Variants in PLET1 observed in about 807,000 individuals in gnomAD.
PLET1 encodes placenta-expressed transcript 1 protein.
In PLET1, 20 loss-of-function variants were observed where a neutral mutation model predicts 18.5. The observed-to-expected ratio is 1.08, with a 90% confidence interval of 0.76 to 1.57. The LOEUF (loss-of-function observed/expected upper bound fraction) is 1.57, where lower values mean the gene tolerates loss of function less well. Ranked by LOEUF, PLET1 falls within the 40% of genes most tolerant of loss-of-function variation. The pLI is 0.00. For missense variants in PLET1, 256 were observed against 246.4 expected (o/e 1.04, Z -0.26); for synonymous variants, 93 against 93.8 (o/e 0.99, Z 0.05).
At position 112,260,786 on chromosome 11, in the gene PLET1, C is replaced by T. The variant is rs940488828; in HGVS notation, c.-197G>A. On this transcript the variant is annotated 5_prime_UTR_variant, in exon 1 of 4. Coordinates refer to ENST00000338832, the MANE Select transcript of PLET1 (RefSeq NM_001145024.1). ...ATCACCAGTCACCATTACCTGTCAC[C>T]GATGATTTTGCAAATTGCAGTTTTG... 33 of 533,678 alleles carry T rather than the reference C, an allele frequency of 6.2e-5. No individual in the cohort carries two copies. Among genetic ancestry groups the T allele is most frequent in the East Asian group, 3.3e-4 (11 of 33,618 alleles). 33.1% of individuals were successfully genotyped at this position (533,678 alleles called of 1,614,324 possible). A position where few individuals can be genotyped will look rare whatever the true frequency, so the allele number is the denominator to read the frequency against.
intron 3 of PLET1, among the ~76,000 whole-genome samples, chr11:112,251,962 G>T (rs1386169648): frequency 3.3e-5 from 5 of 152,184 alleles, no homozygotes; most frequent in African/African-American, 1.2e-4. Flanking sequence ...AAAACCCTTT[G>T]GTTAAAGTCT....
chr11:112,260,177 G>A (rs1038731944), intron 1 of PLET1: 7 of 484,700 alleles, frequency 1.4e-5, no homozygotes, highest in African/African-American at 1.2e-4. Context: ...TGAATCTGGG[G>A]TTGGGGCTTT....
chr11:112,257,002 C>T (rs1187836992), intron 1 of PLET1, among the ~76,000 whole-genome samples: 1 of 152,260 alleles, frequency 6.6e-6, no homozygotes, highest in Non-Finnish European at 1.5e-5. Flanking sequence ...GCTGCGGCCA[C>T]ACCAGTCTTC....
chr11:112,260,331 G>T, intron 1 of PLET1, 75 bp downstream of exon 1: 1 of 1,333,952 alleles, frequency 7.5e-7, no homozygotes, highest in Non-Finnish European at 1.0e-6. Flanking sequence ...AGTAGCGATA[G>T]AGGGGTGTGT....
At chr11:112,258,172 C>T (rs2135419269) in intron 1 of PLET1, among the ~76,000 whole-genome samples, 1 of 152,216 alleles carries the variant, frequency 6.6e-6, no homozygotes, top group East Asian at 1.9e-4. Flanking sequence ...CTGTGATCCC[C>T]TTCACCCCAG....
At chr11:112,254,197 G>GTGTGTGTGTT (rs1446935035) in intron 2 of PLET1, among the ~76,000 whole-genome samples, 5 of 149,898 alleles carry the variant, frequency 3.3e-5, no homozygotes, top group African/African-American at 1.2e-4. Context: ...AGTGGTGTGT[G>GTGTGTGTGTT]TGTGTGTGTG....
Position 112,255,472 on chromosome 11 carries a change from T to TA in PLET1, c.301dup (p.Tyr101LeufsTer19). ...CGTCATGTATTGATCTTTCACGTAATACGTGGAGTTGCTGTAGCAATTTTT... is the reference window on the plus strand; with the variant it reads ...CGTCATGTATTGATCTTTCACGTAATAACGTGGAGTTGCTGTAGCAATTTTT... On this transcript the variant is annotated frameshift_variant, in exon 2 of 4. Transcript: ENST00000338832. LOFTEE classifies it high-confidence loss of function. 1 of 1,552,228 alleles carries TA rather than the reference T, an allele frequency of 6.4e-7. No homozygotes were observed. Among genetic ancestry groups the TA allele is most frequent in the Non-Finnish European group, 8.7e-7 (1 of 1,147,052 alleles).
rs1860121578 is a variant in PLET1, at chr11:112,248,302, C to T, written c.*497G>A. Among the ~76,000 whole-genome samples, 1 of 152,170 alleles carries T rather than the reference C, an allele frequency of 6.6e-6. No individual in the cohort carries two copies. Among genetic ancestry groups the T allele is most frequent in the Non-Finnish European group, 1.5e-5 (1 of 68,040 alleles). The stretch of plus-strand genomic sequence containing the variant: ...TCTACTGGTGTGGACAAATGGGAAG[C>T]TGCCAGCAGCCTCAGAGCTATTTCT... On this transcript the variant is annotated 3_prime_UTR_variant, in exon 4 of 4. Coordinates refer to ENST00000338832, the MANE Select transcript of PLET1 (RefSeq NM_001145024.1).
rs1860214783 is a variant in PLET1, at chr11:112,255,393, C to T, written c.381G>A (p.Glu127=). Residue 127 remains glutamate (E), a synonymous_variant, in exon 2 of 4, where the codon GAG becomes GAA. Coordinates refer to ENST00000338832, the MANE Select transcript of PLET1 (RefSeq NM_001145024.1). Reference sequence around the variant, plus strand: ...AAAGCAAGCTAGGTTCTTACTGTATCTCCACTTCAGTTATGTTCTCAGGTT... The same window carrying T: ...AAAGCAAGCTAGGTTCTTACTGTATTTCCACTTCAGTTATGTTCTCAGGTT... ...APEPENITEV[E]IQAFTVQIRA... The T allele has an allele frequency of 2.6e-6, 4 of 1,552,050 alleles. No individual in the cohort carries two copies. Among genetic ancestry groups the T allele is most frequent in the Non-Finnish European group, 3.5e-6 (4 of 1,147,018 alleles).
intron 3 of PLET1, among the ~76,000 whole-genome samples, chr11:112,249,646 C>T (rs566015062): frequency 6.6e-6 from 1 of 152,190 alleles, no homozygotes; most frequent in East Asian, 1.9e-4. Flanking sequence ...ACCTCCAAGA[C>T]TCTGAGTGGA....
chr11:112,248,512 A>G lies in PLET1; in HGVS notation c.*287T>C. Reference sequence around the variant, plus strand: ...AGATTGGCTGTGGAATTGGCTGCCAACCTGTTCAACCAATAGGGAGAACCT... The same window carrying G: ...AGATTGGCTGTGGAATTGGCTGCCAGCCTGTTCAACCAATAGGGAGAACCT... On this transcript the variant is annotated 3_prime_UTR_variant, in exon 4 of 4. Transcript: ENST00000338832. The G allele has an allele frequency of 2.4e-6, 1 of 425,328 alleles. No homozygotes were observed. The highest frequency in any genetic ancestry group is 3.5e-5 in the East Asian group (1 of 28,722). The allele number at this position is 425,328 out of a possible 1,614,324, so 26.3% of individuals were successfully genotyped here. A position where few individuals can be genotyped will look rare whatever the true frequency, so the allele number is the denominator to read the frequency against.
At chr11:112,257,488 G>A (rs956047487) in intron 1 of PLET1, among the ~76,000 whole-genome samples, 1 of 151,962 alleles carries the variant, frequency 6.6e-6, no homozygotes, top group African/African-American at 2.4e-5. Flanking sequence ...GCCTCTGGGG[G>A]GTCCTAAGTA....
chr11:112,249,035 T>C, intron 3 of PLET1, 61 bp from the exon 4 acceptor site: 1 of 1,470,148 alleles, frequency 6.8e-7, no homozygotes, highest in Non-Finnish European at 9.2e-7. Flanking sequence ...CTCCGTTGGG[T>C]GGTGGGTGGG....
chr11:112,249,979 A>G (rs1429771934), intron 3 of PLET1, among the ~76,000 whole-genome samples: 25 of 149,668 alleles, frequency 1.7e-4, no homozygotes, highest in African/African-American at 6.1e-4. Context: ...AAAAAAAAAA[A>G]AAAAAGGAAA....
intron 2 of PLET1, among the ~76,000 whole-genome samples, chr11:112,254,906 GTGTGTGGGGTATGTATGTGTGTGTGC>G (rs1860204074): frequency 6.1e-5 from 1 of 16,300 alleles, no homozygotes; most frequent in African/African-American, 1.4e-4. Flanking sequence ...TGTATGTGGT[GTGTGTGGGGTATGTATGTGTGTGTGC>G]TGTGAGCGTG....
Position 112,249,045 on chromosome 11 carries a change from G to A in PLET1, c.449-71C>T, listed in dbSNP as rs954254430. On this transcript the variant is annotated intron_variant, in intron 3 of 3. Coordinates refer to ENST00000338832, the MANE Select transcript of PLET1 (RefSeq NM_001145024.1). ...GGAACCTCCGTTGGGTGGTGGGTGG[G>A]CACTCGAGAAAGGAGGGTAATCTGA... 9 of 1,388,424 alleles carry A rather than the reference G, an allele frequency of 6.5e-6. No individual in the cohort carries two copies. In the Admixed American group the frequency reaches 1.5e-4, roughly 23 times the overall value. 86.0% of individuals were successfully genotyped at this position (1,388,424 alleles called of 1,614,324 possible). A position where few individuals can be genotyped will look rare whatever the true frequency, so the allele number is the denominator to read the frequency against.
At chr11:112,251,483 C>G (rs1157376982) in intron 3 of PLET1, among the ~76,000 whole-genome samples, 1 of 152,164 alleles carries the variant, frequency 6.6e-6, no homozygotes, top group East Asian at 1.9e-4. Context: ...ACTTGGGAGG[C>G]TGAGGCAGGA....
At chr11:112,250,015 C>T (rs1019017097) in intron 3 of PLET1, among the ~76,000 whole-genome samples, 3 of 148,002 alleles carry the variant, frequency 2.0e-5, no homozygotes, top group African/African-American at 5.0e-5. Context: ...GTCCAGGAGT[C>T]GACTCAGGCC....
At chr11:112,252,537 C>A in intron 2 of PLET1, 128 bp from the exon 3 acceptor site, 1 of 776,760 alleles carries the variant, frequency 1.3e-6, no homozygotes, top group Non-Finnish European at 2.1e-6. Flanking sequence ...GCACAATGAG[C>A]AGATCATTAA....
Sources: allele counts gnomAD v4.1 joint callset (sites outside exome capture counted in the v4.1 genomes callset), GRCh38; gene constraint gnomAD v4.1.1; transcripts MANE v1.5; gene names NCBI Gene and HGNC (gene_info 2026-07-23, HGNC 2026-07-21).